Variants in NCKAP5 observed in about 807,000 individuals in gnomAD.
The protein encoded by NCKAP5 is nck-associated protein 5.
NCKAP5 carries 92 observed loss-of-function variants against 167.0 expected under a neutral mutation model. The ratio of observed to expected loss-of-function variants is 0.55; its 90% CI spans 0.47 to 0.66. The LOEUF is 0.66. NCKAP5 is among the 30% of genes least tolerant of loss of function. NCKAP5 has a pLI of 0.00. For missense variants in NCKAP5, 2,378 were observed against 2,315.0 expected, an observed-to-expected ratio of 1.03 and a Z score of -0.56; for synonymous variants, 891 against 877.4, an observed-to-expected ratio of 1.02 and a Z score of -0.27.
At chr2:132,955,768 C>T in intron 8 of NCKAP5, among the ~76,000 whole-genome samples, 1 of 152,164 alleles carries the variant, frequency 6.6e-6, no homozygotes, top group Non-Finnish European at 1.5e-5. Flanking sequence ...ATTTACACTC[C>T]CAAAAACAGT....
chr2:133,327,337 G>A (rs1559386860), intron 3 of NCKAP5, among the ~76,000 whole-genome samples: 1 of 152,146 alleles, frequency 6.6e-6, no homozygotes, highest in East Asian at 1.9e-4. Flanking sequence ...TTCAGCATCT[G>A]GAATTGTTTT....
At chr2:133,638,224 T>A in the NCKAP5 span, among the ~76,000 whole-genome samples, 1 of 152,102 alleles carries the variant, frequency 6.6e-6, no homozygotes, top group Non-Finnish European at 1.5e-5. Context: ...GCAAAGAAAC[T>A]TTTAAATAGA....
chr2:133,397,501 CT>C (rs1180309478), intron 3 of NCKAP5, among the ~76,000 whole-genome samples: 2 of 152,164 alleles, frequency 1.3e-5, no homozygotes, highest in Non-Finnish European at 1.5e-5. Flanking sequence ...CCAGACTGTT[CT>C]TTCTCATTGA....
intron 11 of NCKAP5, among the ~76,000 whole-genome samples, chr2:132,811,121 G>A (rs1017584049): frequency 1.4e-4 from 21 of 152,176 alleles, no homozygotes; most frequent in Non-Finnish European, 7.3e-5. Flanking sequence ...GAGATGAAAC[G>A]TCTATGGGTC....
At chr2:133,437,116 C>T (rs534131270) in intron 3 of NCKAP5, among the ~76,000 whole-genome samples, 1 of 152,094 alleles carries the variant, frequency 6.6e-6, no homozygotes, top group East Asian at 1.9e-4. Flanking sequence ...CACTTTGGGA[C>T]GTCGAGGCGG....
At chr2:133,142,392 G>A (rs966155282) in intron 5 of NCKAP5, among the ~76,000 whole-genome samples, 3 of 152,160 alleles carry the variant, frequency 2.0e-5, no homozygotes, top group Non-Finnish European at 4.4e-5. Flanking sequence ...TGCCTGGCCC[G>A]TTGTTGGGTA....
intron 4 of NCKAP5, among the ~76,000 whole-genome samples, chr2:133,216,018 C>A (rs149399661): frequency 1.0e-3 from 156 of 152,042 alleles, no homozygotes; most frequent in African/African-American, 3.6e-3. Flanking sequence ...CTAATAATGT[C>A]AAAAATTAAA....
chr2:133,003,875 A>G (rs2077870316), intron 6 of NCKAP5, among the ~76,000 whole-genome samples: 1 of 152,202 alleles, frequency 6.6e-6, no homozygotes, highest in Non-Finnish European at 1.5e-5. Flanking sequence ...AGAAAGTGAC[A>G]TAAATTTTCT....
chr2:133,306,424 A>G (rs1680783193), intron 3 of NCKAP5, among the ~76,000 whole-genome samples: 1 of 152,234 alleles, frequency 6.6e-6, no homozygotes, highest in South Asian at 2.1e-4. Flanking sequence ...GACGGTGAAA[A>G]TTATTTACAT....
intron 2 of NCKAP5, among the ~76,000 whole-genome samples, chr2:133,555,890 G>C (rs1319288768): frequency 6.6e-6 from 1 of 152,204 alleles, no homozygotes. Context: ...CCCATCCATA[G>C]TAGGAAGACT....
At chr2:133,157,712 G>A (rs181652836) in intron 5 of NCKAP5, among the ~76,000 whole-genome samples, 25 of 142,122 alleles carry the variant, frequency 1.8e-4, no homozygotes, top group Non-Finnish European at 3.1e-4. Context: ...TTTGAGAAAC[G>A]CTGGGATAGT....
chr2:132,973,727 A>G (rs2076899369), intron 7 of NCKAP5, among the ~76,000 whole-genome samples: 2 of 142,584 alleles, frequency 1.4e-5, no homozygotes, highest in Non-Finnish European at 1.6e-5. Context: ...ACCTTCTTGG[A>G]AAAAAAAAAA....
rs568068007 is a variant in NCKAP5, at chr2:132,782,854, C to A, written c.3957G>T (p.Thr1319=). 1.9e-6 allele frequency: 3 copies of A among 1,613,812 alleles called. No homozygotes were observed. Among genetic ancestry groups the A allele is most frequent in the Non-Finnish European group, 2.5e-6 (3 of 1,179,860 alleles). The change falls in exon 14 of 20, where the codon ACG becomes ACT. Residue 1319 remains threonine (T), a synonymous_variant. Coordinates refer to ENST00000409261, the MANE Select transcript of NCKAP5 (RefSeq NM_207363.3). ...AAGGGGCCTTGTTGGGAGAGCTTTCCGTGGAAGAGTTCTGCCGGGTAAGAG... is the reference window on the plus strand; with the variant it reads ...AAGGGGCCTTGTTGGGAGAGCTTTCAGTGGAAGAGTTCTGCCGGGTAAGAG... ...GNSLTRQNSS[T]ESSPNKAPSA...
chr2:132,837,323 C>A (rs1426493930), intron 11 of NCKAP5, among the ~76,000 whole-genome samples: 2 of 152,102 alleles, frequency 1.3e-5, no homozygotes, highest in Admixed American at 6.6e-5. Context: ...ATTATCTTCC[C>A]TCTATTTTTT....
intron 19 of NCKAP5, among the ~76,000 whole-genome samples, chr2:132,689,640 C>T (rs1686462904): frequency 1.3e-5 from 2 of 152,158 alleles, no homozygotes; most frequent in South Asian, 4.1e-4. Context: ...CATTGCTTAT[C>T]AGTCTCTGTC....
chr2:133,025,084 G>C (rs2078651187), intron 6 of NCKAP5, among the ~76,000 whole-genome samples: 1 of 152,098 alleles, frequency 6.6e-6, no homozygotes, highest in African/African-American at 2.4e-5. Context: ...CTAGAGAAAC[G>C]GACAAAGAAA....
intron 6 of NCKAP5, among the ~76,000 whole-genome samples, chr2:133,105,750 G>C (rs983562786): frequency 2.6e-5 from 4 of 152,182 alleles, no homozygotes; most frequent in Admixed American, 2.6e-4. Context: ...TAGGCAAGGA[G>C]CAAATGGGCA....
intron 3 of NCKAP5, among the ~76,000 whole-genome samples, chr2:133,367,102 A>G (rs955292102): frequency 1.3e-5 from 2 of 152,216 alleles, no homozygotes; most frequent in Non-Finnish European, 2.9e-5. Flanking sequence ...GCTCTTGTTC[A>G]TCTGACCAGA....
chr2:133,173,391 A>C (rs2084328677), intron 5 of NCKAP5, among the ~76,000 whole-genome samples: 1 of 152,176 alleles, frequency 6.6e-6, no homozygotes, highest in South Asian at 2.1e-4. Flanking sequence ...TTTATCAATG[A>C]AGCCCTGACT....
Sources: allele counts gnomAD v4.1 joint callset (sites outside exome capture counted in the v4.1 genomes callset), GRCh38; gene constraint gnomAD v4.1.1; transcripts MANE v1.5; gene names NCBI Gene and HGNC (gene_info 2026-07-23, HGNC 2026-07-21).